Variants in MAP2K2 observed in about 807,000 individuals in gnomAD.
MAP2K2 encodes dual specificity mitogen-activated protein kinase kinase 2.
In MAP2K2, 24 loss-of-function variants were observed where a neutral mutation model predicts 43.7. That is an observed-to-expected ratio of 0.55 (90% CI 0.40 to 0.77). MAP2K2 has a LOEUF of 0.77. MAP2K2 is among the 30% of genes least tolerant of loss of function. The pLI is 0.00. For synonymous variants in MAP2K2, 244 were observed against 239.7 expected (o/e 1.02, Z -0.17); for missense variants, 470 against 566.8 (o/e 0.83, Z 1.73).
intron 2 of MAP2K2, among the ~76,000 whole-genome samples, chr19:4,113,054 C>T (rs2041176019): frequency 6.6e-6 from 1 of 152,192 alleles, no homozygotes; most frequent in African/African-American, 2.4e-5. Context: ...TTGGACGGCT[C>T]AGTTCCTGAC....
rs1477770168 is a variant in MAP2K2, at chr19:4,101,976, G to A, written c.528+400C>T. ...GGCAGCAGAGACGCCCTTGGCCCCG[G>A]TGACATTTCTAACAGCAATGGTGAG... On this transcript the variant is annotated intron_variant, in intron 4 of 10. Transcript: ENST00000262948. The surrounding 1 kb of genome is among the most constrained non-coding windows in gnomAD (Gnocchi z 6.3). 6.6e-6 allele frequency among the ~76,000 whole-genome samples: 1 copy of A among 152,132 alleles called. No individual in the cohort carries two copies. The highest frequency in any genetic ancestry group is 1.9e-4 in the East Asian group (1 of 5,190).
At chr19:4,114,570 T>A (rs1186725723) in intron 2 of MAP2K2, among the ~76,000 whole-genome samples, 1 of 152,154 alleles carries the variant, frequency 6.6e-6, no homozygotes, top group Non-Finnish European at 1.5e-5. Flanking sequence ...CTGGCCCAGG[T>A]AACGCGGGGA....
chr19:4,096,685 G>A (rs896967992), intron 8 of MAP2K2, among the ~76,000 whole-genome samples: 85 of 152,180 alleles, frequency 5.6e-4, no homozygotes, highest in African/African-American at 1.8e-3. Flanking sequence ...ACCTTTCTCC[G>A]TGGAAGCGGG....
chr19:4,112,859 C>T (rs865987686), intron 2 of MAP2K2, among the ~76,000 whole-genome samples: 1 of 152,224 alleles, frequency 6.6e-6, no homozygotes, highest in African/African-American at 2.4e-5. Context: ...TGCTCACTCC[C>T]GTTGCACAAG....
intron 9 of MAP2K2, chr19:4,094,854 A>C (rs181201700): frequency 4.8e-6 from 2 of 415,170 alleles, no homozygotes; most frequent in Non-Finnish European, 4.5e-6. Flanking sequence ...GCCCGGGGCA[A>C]CTCCGGCACC....
intron 2 of MAP2K2, among the ~76,000 whole-genome samples, chr19:4,113,824 C>T (rs1035502224): frequency 6.6e-6 from 1 of 152,108 alleles, no homozygotes; most frequent in Non-Finnish European, 1.5e-5. Flanking sequence ...TCAGCGAGAG[C>T]AGGAGGGGAA....
chr19:4,097,293 A>G lies in MAP2K2; in HGVS notation c.970T>C (p.Tyr324His). ...CAAGCACAAACCTCGTTCACAATAT[A>G]GTCCAGGAGTTCAAAGATGGCCATG... Reference protein sequence around the residue: ...PAMAIFELLDYIVNEPPPKLP... With the variant: ...PAMAIFELLDHIVNEPPPKLP... The change falls in exon 8 of 11, where the codon TAT becomes CAT. Residue 324 changes from tyrosine (Y) to histidine (H), a missense_variant. By Grantham distance (83) the Tyr-to-His change is moderately conservative (BLOSUM62 2). Around this residue, in one of 3 missense-constraint regions of MAP2K2, gnomAD observed 212 missense variants for 220.8 expected, o/e 0.96. Coordinates refer to ENST00000262948, the MANE Select transcript of MAP2K2 (RefSeq NM_030662.4). The G allele has an allele frequency of 1.2e-6, 2 of 1,612,678 alleles. No individual in the cohort carries two copies. Among genetic ancestry groups the G allele is most frequent in the Non-Finnish European group, 1.7e-6 (2 of 1,179,632 alleles).
At chr19:4,097,560 T>TA (rs375415980) in intron 7 of MAP2K2, among the ~76,000 whole-genome samples, 6 of 151,930 alleles carry the variant, frequency 3.9e-5, no homozygotes, top group South Asian at 2.1e-4. Flanking sequence ...TCTAGTGAAT[T>TA]AAAAAAAAGG....
At chr19:4,105,368 A>C (rs865846715) in intron 3 of MAP2K2, among the ~76,000 whole-genome samples, 10 of 150,628 alleles carry the variant, frequency 6.6e-5, no homozygotes, top group African/African-American at 2.0e-4. Context: ...TCCCGGGTTC[A>C]CGCCATTCTC....
intron 6 of MAP2K2, chr19:4,100,659 T>G: frequency 3.2e-6 from 1 of 310,076 alleles, no homozygotes; most frequent in Non-Finnish European, 6.2e-6. Context: ...CTACAAAAGA[T>G]TAGTAAATTA....
intron 2 of MAP2K2, among the ~76,000 whole-genome samples, chr19:4,112,851 C>G (rs936477431): frequency 6.6e-6 from 1 of 152,218 alleles, no homozygotes; most frequent in African/African-American, 2.4e-5. Flanking sequence ...GGTGCTGGTG[C>G]TCACTCCCGT....
intron 3 of MAP2K2, among the ~76,000 whole-genome samples, chr19:4,109,855 C>T (rs146676674): frequency 3.9e-5 from 6 of 152,158 alleles, no homozygotes; most frequent in East Asian, 1.9e-4. Context: ...GGTGTGCCTG[C>T]GAGTCAGTGC....
chr19:4,097,435 C>T (rs575768609), intron 7 of MAP2K2, 92 bp from the exon 8 acceptor site: 85 of 920,248 alleles, frequency 9.2e-5, no homozygotes, highest in African/African-American at 5.4e-4. Context: ...CACCACCAGG[C>T]GCCCTCCTCC....
chr19:4,096,965 G>A (rs2040926968), intron 8 of MAP2K2, among the ~76,000 whole-genome samples: 1 of 151,616 alleles, frequency 6.6e-6, no homozygotes, highest in Non-Finnish European at 1.5e-5. Context: ...GCTTGAACCT[G>A]GGAGGCGGAG....
chr19:4,096,941 T>C (rs1599284148), intron 8 of MAP2K2, among the ~76,000 whole-genome samples: 2 of 151,686 alleles, frequency 1.3e-5, no homozygotes, highest in African/African-American at 2.4e-5. Context: ...ACACGTGGAA[T>C]TGGTTCAAGA....
chr19:4,110,575 C>T lies in MAP2K2; in HGVS notation c.384G>A (p.Pro128=), dbSNP rs727503156. The T allele has an allele frequency of 2.7e-5, 43 of 1,613,904 alleles. No individual in the cohort carries two copies. The highest frequency in any genetic ancestry group is 1.6e-4 in the Middle Eastern group (1 of 6,084). Residue 128 remains proline (P), a synonymous_variant, in exon 3 of 11, where the codon CCG becomes CCA. Coordinates refer to ENST00000262948, the MANE Select transcript of MAP2K2 (RefSeq NM_030662.4). ...ELQVLHECNS[P]YIVGFYGAFY... The stretch of plus-strand genomic sequence containing the variant: ...AGGCCCCGTAGAAGCCCACGATGTA[C>T]GGCGAGTTGCATTCGTGCAGGACCT...
chr19:4,123,932 G>C lies in MAP2K2; in HGVS notation c.-57C>G. The C allele has an allele frequency of 9.6e-7, 1 of 1,046,460 alleles. No homozygotes were observed. The highest frequency in any genetic ancestry group is 1.2e-6 in the Non-Finnish European group (1 of 829,070). The allele number at this position is 1,046,460 out of a possible 1,614,324, so 64.8% of individuals were successfully genotyped here. A position where few individuals can be genotyped will look rare whatever the true frequency, so the allele number is the denominator to read the frequency against. On this transcript the variant is annotated 5_prime_UTR_variant, in exon 1 of 11. Transcript: ENST00000262948. ...TCTAGCCGGGGCCCATAGGGGGCGG[G>C]CCGGGAGCGGTCGGCGCCTACGCGA...
chr19:4,118,947 G>A (rs1021355078), intron 1 of MAP2K2, among the ~76,000 whole-genome samples: 3 of 152,178 alleles, frequency 2.0e-5, no homozygotes, highest in African/African-American at 4.8e-5. Flanking sequence ...ATGCACACAG[G>A]AACCCATTGC....
intron 7 of MAP2K2, 52 bp downstream of exon 7, chr19:4,099,149 C>A: frequency 6.8e-7 from 1 of 1,476,710 alleles, no homozygotes; most frequent in South Asian, 1.2e-5. Context: ...CACAGCAGGC[C>A]CCGCGCAGGG....
Sources: allele counts gnomAD v4.1 joint callset (sites outside exome capture counted in the v4.1 genomes callset), GRCh38; gene constraint gnomAD v4.1.1; regional missense constraint gnomAD v4.1.1; non-coding constraint Gnocchi (gnomAD v3.1); transcripts MANE v1.5; gene names NCBI Gene and HGNC (gene_info 2026-07-23, HGNC 2026-07-21).